WDR7: variants seen among roughly 807,000 people sequenced by gnomAD.
The protein encoded by WDR7 is WD repeat domain 7, also known as WD repeat-containing protein 7.
Under a neutral mutation model 169.4 loss-of-function variants are expected in WDR7, and 46 were observed. The observed-to-expected ratio is 0.27, with a 90% CI of 0.21 to 0.35. The LOEUF (loss-of-function observed/expected upper bound fraction) is 0.35, where lower values mean the gene tolerates loss of function less well. WDR7 is among the 10% of genes least tolerant of loss of function. The pLI is 1.00. For synonymous variants in WDR7, 612 were observed against 666.8 expected (o/e 0.92, Z 1.27); for missense variants, 1,534 against 1,859.3 (o/e 0.83, Z 3.22).
chr18:56,744,296 T>TGGATATATG (rs2043670293), intron 14 of WDR7, among the ~76,000 whole-genome samples: 1 of 139,550 alleles, frequency 7.2e-6, no homozygotes, highest in African/African-American at 2.7e-5. Flanking sequence ...GGTGTCTGGA[T>TGGATATATG]GGATATATGT....
At chr18:56,926,594 A>T (rs73438791) in intron 22 of WDR7, among the ~76,000 whole-genome samples, 1 of 152,206 alleles carries the variant, frequency 6.6e-6, no homozygotes, top group African/African-American at 2.4e-5. Context: ...TCTTATCTAC[A>T]TGTAGTTTGT....
rs2045356931 is a variant in WDR7 at position 56,833,986 on chromosome 18, G to A, written c.3304+17842G>A. 2.0e-5 allele frequency among the ~76,000 whole-genome samples: 3 copies of A among 152,178 alleles called. No homozygotes were observed. In the South Asian group the frequency reaches 6.2e-4, roughly 32 times the overall value. The stretch of plus-strand genomic sequence containing the variant: ...CTAGGACACAAAAGGCTTCAGTCAA[G>A]GCATTAACCATGGCTAAGTCTTATC... On this transcript the variant is annotated intron_variant, in intron 20 of 27. Transcript: ENST00000254442.
intron 12 of WDR7, among the ~76,000 whole-genome samples, chr18:56,703,428 A>T (rs1338892296): frequency 6.6e-6 from 1 of 152,212 alleles, no homozygotes; most frequent in African/African-American, 2.4e-5. Flanking sequence ...TATTGCATTT[A>T]AAAAGCAATG....
At chr18:56,757,462 G>A in intron 15 of WDR7, 110 bp downstream of exon 15, 3 of 1,097,102 alleles carry the variant, frequency 2.7e-6, no homozygotes, top group Non-Finnish European at 3.8e-6. Flanking sequence ...TATTATTTCA[G>A]TGTCATCTCA....
chr18:57,035,867 C>T, the WDR7 span: 1 of 152,188 alleles, frequency 6.6e-6, no homozygotes, highest in Non-Finnish European at 1.5e-5. Flanking sequence ...TCTATACAGG[C>T]AAAAGAAATC....
chr18:56,957,050 C>T (rs1445914244), intron 25 of WDR7, among the ~76,000 whole-genome samples: 1 of 151,966 alleles, frequency 6.6e-6, no homozygotes, highest in Non-Finnish European at 1.5e-5. Flanking sequence ...ACAAAAATAC[C>T]TAGGTATACA....
chr18:56,725,019 T>A (rs1388581142), intron 13 of WDR7, among the ~76,000 whole-genome samples: 1 of 151,826 alleles, frequency 6.6e-6, no homozygotes, highest in Non-Finnish European at 1.5e-5. Context: ...TTCCATGGTG[T>A]ATATGTGCCA....
At chr18:56,783,984 G>A (rs571488642) in intron 19 of WDR7, among the ~76,000 whole-genome samples, 103 of 152,304 alleles carry the variant, frequency 6.8e-4, no homozygotes, top group African/African-American at 2.4e-3. Context: ...TAAAATATAA[G>A]TAAAATAGTA....
intron 12 of WDR7, among the ~76,000 whole-genome samples, chr18:56,698,213 A>G (rs1387087435): frequency 6.6e-6 from 1 of 151,902 alleles, no homozygotes; most frequent in Non-Finnish European, 1.5e-5. Flanking sequence ...AAAAGTTTGG[A>G]ATGGCTTACA....
At chr18:56,734,975 T>C (rs2026668212) in intron 14 of WDR7, among the ~76,000 whole-genome samples, 1 of 152,208 alleles carries the variant, frequency 6.6e-6, no homozygotes, top group African/African-American at 2.4e-5. Flanking sequence ...AATTGTGTCA[T>C]AGAAGAACTT....
At chr18:56,913,008 G>A (rs1010592931) in intron 21 of WDR7, among the ~76,000 whole-genome samples, 1 of 151,856 alleles carries the variant, frequency 6.6e-6, no homozygotes, top group East Asian at 1.9e-4. Context: ...CCAGCTAGCT[G>A]GGACTGCAGG....
intron 26 of WDR7, among the ~76,000 whole-genome samples, chr18:57,015,120 CAG>C (rs2048188868): frequency 6.6e-6 from 1 of 152,212 alleles, no homozygotes; most frequent in Non-Finnish European, 1.5e-5. Flanking sequence ...TATCTGAAAA[CAG>C]AATAGATTTT....
chr18:56,838,348 C>T (rs1234659387), intron 20 of WDR7, among the ~76,000 whole-genome samples: 2 of 152,098 alleles, frequency 1.3e-5, no homozygotes, highest in African/African-American at 2.4e-5. Flanking sequence ...GTTTATTGAA[C>T]TGTTGACTGA....
At chr18:56,787,385 A>G (rs2044418106) in intron 19 of WDR7, among the ~76,000 whole-genome samples, 1 of 152,228 alleles carries the variant, frequency 6.6e-6, no homozygotes, top group South Asian at 2.1e-4. Context: ...ACCATTATAT[A>G]AATCAAAATC....
downstream of WDR7, chr18:57,032,023 C>A (rs542182127): frequency 1.2e-4 from 19 of 152,312 alleles, no homozygotes; most frequent in South Asian, 2.3e-3. Flanking sequence ...AAGGAGGGCT[C>A]CTGTGGTTCT....
intron 12 of WDR7, among the ~76,000 whole-genome samples, chr18:56,712,126 A>C (rs952228684): frequency 2.0e-5 from 3 of 152,252 alleles, no homozygotes; most frequent in Non-Finnish European, 4.4e-5. Flanking sequence ...ATAGAAAATA[A>C]AAAATATCTA....
chr18:56,954,775 A>G (rs920742716), intron 25 of WDR7, among the ~76,000 whole-genome samples: 1 of 152,166 alleles, frequency 6.6e-6, no homozygotes, highest in African/African-American at 2.4e-5. Context: ...GGGAAACGTT[A>G]TAGCTATAAC....
At chr18:56,859,386 C>G (rs1353039031) in intron 20 of WDR7, among the ~76,000 whole-genome samples, 3 of 152,144 alleles carry the variant, frequency 2.0e-5, no homozygotes, top group African/African-American at 7.2e-5. Flanking sequence ...CTCCTGGCCC[C>G]ACCACTCCCT....
At chr18:56,922,144 A>G (rs2046734212) in intron 21 of WDR7, among the ~76,000 whole-genome samples, 1 of 152,210 alleles carries the variant, frequency 6.6e-6, no homozygotes, top group South Asian at 2.1e-4. Flanking sequence ...TAAAAAATAA[A>G]CAGGAAAATG....
Sources: allele counts gnomAD v4.1 joint callset (sites outside exome capture counted in the v4.1 genomes callset), GRCh38; gene constraint gnomAD v4.1.1; transcripts MANE v1.5; gene names NCBI Gene and HGNC (gene_info 2026-07-23, HGNC 2026-07-21).